Variants in FAM120C observed in about 807,000 individuals in gnomAD.
FAM120C encodes family with sequence similarity 120 member C, also known as constitutive coactivator of PPAR-gamma-like protein 2.
Under a neutral mutation model 71.2 loss-of-function variants are expected in FAM120C, and 14 were observed. The observed-to-expected ratio is 0.20, with a 90% CI of 0.13 to 0.31. The LOEUF (loss-of-function observed/expected upper bound fraction) is 0.31, where lower values mean the gene tolerates loss of function less well. FAM120C is among the 10% of genes least tolerant of loss of function. The pLI is 1.00. For missense variants in FAM120C, 500 were observed against 879.0 expected, an observed-to-expected ratio of 0.57 and a Z score of 5.45; for synonymous variants, 354 against 353.2, an observed-to-expected ratio of 1.00 and a Z score of -0.03.
chrX:54,172,181 C>T (rs1557136037), intron 1 of FAM120C, among the ~76,000 whole-genome samples: 2 of 112,355 alleles, frequency 1.8e-5, no homozygotes, highest in African/African-American at 6.5e-5. Context: ...GTAAAATCAA[C>T]CAAACAAGCC....
intron 15 of FAM120C, among the ~76,000 whole-genome samples, chrX:54,080,030 G>C (rs782569136): frequency 9.1e-6 from 1 of 110,352 alleles, no homozygotes; most frequent in Non-Finnish European, 1.9e-5. Flanking sequence ...ACTCGGAAAA[G>C]GGTAAGACTC....
chrX:54,151,157 G>A (rs781856387), intron 4 of FAM120C, 88 bp downstream of exon 4: 6 of 1,033,678 alleles, frequency 5.8e-6, no homozygotes, highest in Non-Finnish European at 8.0e-6. Context: ...GGAAAACTTA[G>A]GTGTCACAGA....
rs192057933 is a variant in FAM120C, at chrX:54,131,657, C to T, written c.2062+1035G>A. On this transcript the variant is annotated intron_variant, in intron 9 of 15. Coordinates refer to ENST00000375180, the MANE Select transcript of FAM120C (RefSeq NM_017848.6). ...TTCTCCATGTTGGTCAGGCTGGTCT[C>T]GAACTCCTGACCTCAGGTGATCCGC... Among the ~76,000 whole-genome samples, 525 of 111,831 alleles carry T rather than the reference C, an allele frequency of 4.7e-3. 2 individuals carry two copies. The highest frequency in any genetic ancestry group is 0.016 in the African/African-American group (490 of 30,762).
chrX:54,091,467 C>T lies in FAM120C; in HGVS notation c.2313-41G>A. On this transcript the variant is annotated intron_variant, in intron 10 of 15. Transcript: ENST00000375180. ...ACTGTTATTAGGCCACAAAAGCTCACTTATTCATGTCACAAAAACTTATTA... is the reference window on the plus strand; with the variant it reads ...ACTGTTATTAGGCCACAAAAGCTCATTTATTCATGTCACAAAAACTTATTA... 3 of 1,000,127 alleles carry T rather than the reference C, an allele frequency of 3.0e-6. No individual in the cohort carries two copies. In the East Asian group the frequency reaches 9.2e-5, roughly 31 times the overall value. The allele number at this position is 1,000,127 out of a possible 1,213,427, so 82.4% of individuals were successfully genotyped here. A position where few individuals can be genotyped will look rare whatever the true frequency, so the allele number is the denominator to read the frequency against.
chrX:54,143,154 A>C (rs1001765255), intron 4 of FAM120C, among the ~76,000 whole-genome samples: 2 of 112,009 alleles, frequency 1.8e-5, no homozygotes, highest in African/African-American at 6.5e-5. Flanking sequence ...AGAGCAGAAA[A>C]GATGAAAATT....
chrX:54,094,140 G>C lies in FAM120C; in HGVS notation c.2313-2714C>G, dbSNP rs1167166952. 7.1e-5 allele frequency among the ~76,000 whole-genome samples: 7 copies of C among 98,595 alleles called. No individual in the cohort carries two copies. The Admixed American group carries it at 8.1e-4, about 11-fold the overall frequency. The allele number at this position is 98,595 out of a possible 115,157, so 85.6% of individuals were successfully genotyped here. On this transcript the variant is annotated intron_variant, in intron 10 of 15. Transcript: ENST00000375180. ...GAGTCTCGCTCTGTCGCCCAGGATG[G>C]AGTGCAGTGGCATGATTTCAGCTCA...
chrX:54,161,311 A>C (rs2067234996), intron 1 of FAM120C, among the ~76,000 whole-genome samples: 1 of 111,702 alleles, frequency 9.0e-6, no homozygotes, highest in South Asian at 3.8e-4. Flanking sequence ...CCCATTTTAC[A>C]GATGAGGGAA....
chrX:54,118,342 A>C (rs1177699619), intron 9 of FAM120C, among the ~76,000 whole-genome samples: 2 of 110,968 alleles, frequency 1.8e-5, no homozygotes, highest in African/African-American at 6.5e-5. Flanking sequence ...CATGGCAAGA[A>C]TGCACCACAG....
chrX:54,107,817 C>T (rs1304834127), intron 10 of FAM120C, among the ~76,000 whole-genome samples: 3 of 101,280 alleles, frequency 3.0e-5, no homozygotes, highest in Non-Finnish European at 4.0e-5. Context: ...CCATGGTGCT[C>T]GGCCTCATTA....
At chrX:54,157,003 C>T (rs951225542) in intron 3 of FAM120C, among the ~76,000 whole-genome samples, 3 of 108,834 alleles carry the variant, frequency 2.8e-5, no homozygotes, top group African/African-American at 1.0e-4. Context: ...TGGCTGAGAT[C>T]GTGCCACTGC....
intron 10 of FAM120C, among the ~76,000 whole-genome samples, chrX:54,099,589 C>T (rs1217197244): frequency 8.9e-6 from 1 of 111,921 alleles, no homozygotes; most frequent in Non-Finnish European, 1.9e-5. Flanking sequence ...TACCTCTTGT[C>T]TTCTAAGTGT....
rs943404988 is a variant in FAM120C, at chrX:54,070,514, T to C, written c.*2519A>G. The C allele has an allele frequency of 1.8e-5, 2 of 112,438 alleles. No individual in the cohort carries two copies. The highest frequency in any genetic ancestry group is 9.5e-5 in the Admixed American group (1 of 10,535). The allele number at this position is 112,438 out of a possible 1,213,427, so 9.3% of individuals were successfully genotyped here. A position where few individuals can be genotyped will look rare whatever the true frequency, so the allele number is the denominator to read the frequency against. On this transcript the variant is annotated 3_prime_UTR_variant, in exon 16 of 16. Transcript: ENST00000375180. ...TCTTAGCAATTTTAAGTCCAAGTGCTTCCTATTAGAAAATGGAGATATAGG... is the reference window on the plus strand; with the variant it reads ...TCTTAGCAATTTTAAGTCCAAGTGCCTCCTATTAGAAAATGGAGATATAGG...
chrX:54,100,926 C>A (rs191744132), intron 10 of FAM120C, among the ~76,000 whole-genome samples: 17 of 111,082 alleles, frequency 1.5e-4, no homozygotes, highest in Middle Eastern at 4.7e-3. Flanking sequence ...GACTCAGTGG[C>A]AGTCCTGTTC....
At chrX:54,118,081 G>C (rs1216696256) in intron 9 of FAM120C, among the ~76,000 whole-genome samples, 1 of 109,800 alleles carries the variant, frequency 9.1e-6, no homozygotes. Context: ...AAATTAGCTG[G>C]GCATGGTGGT....
chrX:54,129,247 G>C (rs868919146), intron 9 of FAM120C, among the ~76,000 whole-genome samples: 1,328 of 106,482 alleles, frequency 0.012, 10 homozygotes, highest in Middle Eastern at 0.036. Context: ...GGGCGGAGGG[G>C]CTCCTCACTT....
In FAM120C at chrX:54,134,698, T is replaced by C. The variant is rs781962768; in HGVS notation, c.1616+133A>G. On this transcript the variant is annotated intron_variant, in intron 7 of 15. Transcript: ENST00000375180. ...AAGCATAGAAAACGTTTTCCTACTTTGCTTTCCTAAGAGCAAAACACTACA... is the reference window on the plus strand; with the variant it reads ...AAGCATAGAAAACGTTTTCCTACTTCGCTTTCCTAAGAGCAAAACACTACA... The C allele has an allele frequency of 4.6e-6, 3 of 650,460 alleles. No individual in the cohort carries two copies. In the South Asian group the frequency reaches 1.2e-4, roughly 27 times the overall value. The allele number at this position is 650,460 out of a possible 1,213,427, so 53.6% of individuals were successfully genotyped here.
At chrX:54,152,860 T>G (rs2067190555) in intron 3 of FAM120C, among the ~76,000 whole-genome samples, 1 of 111,637 alleles carries the variant, frequency 9.0e-6, no homozygotes, top group African/African-American at 3.2e-5. Flanking sequence ...CTAGTGTAGA[T>G]GTGTTGGGAT....
Position 54,135,591 on chromosome X carries a change from A to G in FAM120C, c.1272T>C (p.Asn424=). Reference sequence around the variant, plus strand: ...GTGGAAGGGGAGGATTTCCAAGCCTATTATTCCGAAAACCTGAAGCCAAGA... The same window carrying G: ...GTGGAAGGGGAGGATTTCCAAGCCTGTTATTCCGAAAACCTGAAGCCAAGA... ...VGPSFLGFRN[N]RLGNPPLPRN... The change falls in exon 6 of 16, where the codon AAT becomes AAC. Residue 424 remains asparagine (N), a synonymous_variant. Coordinates refer to ENST00000375180, the MANE Select transcript of FAM120C (RefSeq NM_017848.6). 8.3e-7 allele frequency: 1 copy of G among 1,209,173 alleles called. No individual in the cohort carries two copies. The highest frequency in any genetic ancestry group is 1.1e-6 in the Non-Finnish European group (1 of 893,915).
At chrX:54,124,423 G>A (rs2067013855) in intron 9 of FAM120C, among the ~76,000 whole-genome samples, 1 of 46,017 alleles carries the variant, frequency 2.2e-5, no homozygotes, top group Admixed American at 2.8e-4. Flanking sequence ...GTCTCGTGGT[G>A]CGCCGTTTCT....
Sources: allele counts gnomAD v4.1 joint callset (sites outside exome capture counted in the v4.1 genomes callset), GRCh38; gene constraint gnomAD v4.1.1; transcripts MANE v1.5; gene names NCBI Gene and HGNC (gene_info 2026-07-23, HGNC 2026-07-21).